Variants in BCOR observed in about 807,000 individuals in gnomAD.
BCOR encodes the protein BCL6 corepressor.
A neutral mutation model predicts 86.7 loss-of-function variants in BCOR; 10 were observed. That is an observed-to-expected ratio of 0.12 (90% CI 0.07 to 0.20). The LOEUF (loss-of-function observed/expected upper bound fraction) is 0.20, where lower values mean the gene tolerates loss of function less well. Among genes scored for constraint, BCOR ranks in the 10% least tolerant of loss-of-function variants. The probability of loss-of-function intolerance (pLI) is 1.00; values close to 1 mark genes in which losing one functional copy is unlikely to be tolerated. For synonymous variants in BCOR, 611 were observed against 609.0 expected, an observed-to-expected ratio of 1.00 and a Z score of -0.05; for missense variants, 1,259 against 1,452.1, an observed-to-expected ratio of 0.87 and a Z score of 2.16.
chrX:40,124,795 T>C (rs909971162), intron 1 of BCOR, among the ~76,000 whole-genome samples: 1 of 110,118 alleles, frequency 9.1e-6, no homozygotes, highest in Non-Finnish European at 1.9e-5. Flanking sequence ...TTGTATTTTC[T>C]CAAATTCCTG....
chrX:40,063,537 C>G (rs180910395), intron 8 of BCOR, 71 bp downstream of exon 8: 5 of 915,926 alleles, frequency 5.5e-6, no homozygotes, highest in Non-Finnish European at 7.8e-6. Flanking sequence ...CTCAAAAGCC[C>G]TTTCCTACAG....
Position 40,072,988 on chromosome X carries a change from C to G in BCOR, c.2358G>C (p.Lys786Asn). The G allele has an allele frequency of 8.3e-7, 1 of 1,211,988 alleles. No homozygotes were observed. The highest frequency in any genetic ancestry group is 1.1e-6 in the Non-Finnish European group (1 of 895,569). ...HPDVPTDKNL[K>N]PNPNWNQGKT... Reference sequence around the variant, plus strand: ...TCCCTTGATTCCAGTTGGGGTTCGGCTTTAGGTTCTTGTCGGTGGGGACAT... The same window carrying G: ...TCCCTTGATTCCAGTTGGGGTTCGGGTTTAGGTTCTTGTCGGTGGGGACAT... The change falls in exon 4 of 15, where the codon AAG (lysine) becomes AAC (asparagine). Residue 786 changes from lysine (K) to asparagine (N), a missense_variant. Physicochemically the swap from Lys to Asn is moderately conservative, Grantham distance 94. Transcript: ENST00000378444.
chrX:40,151,145 T>G (rs1329135365), intron 1 of BCOR, among the ~76,000 whole-genome samples: 1 of 112,027 alleles, frequency 8.9e-6, no homozygotes, highest in Non-Finnish European at 1.9e-5. Context: ...ACTTCCCCCC[T>G]GGACCCACCA....
intron 1 of BCOR, among the ~76,000 whole-genome samples, chrX:40,123,416 G>A (rs1323567258): frequency 9.1e-6 from 1 of 109,432 alleles, no homozygotes; most frequent in Non-Finnish European, 1.9e-5. Flanking sequence ...GCAATGGTGC[G>A]GCCTCGGCTC....
intron 1 of BCOR, among the ~76,000 whole-genome samples, chrX:40,141,639 G>A (rs746757250): frequency 9.0e-6 from 1 of 110,975 alleles, no homozygotes; most frequent in East Asian, 2.9e-4. Context: ...AGCTTTTGGG[G>A]ATAAGCTGTG....
At position 40,133,728 on chromosome X, in the gene BCOR, G is replaced by C. The variant is rs892147596; in HGVS notation, c.-41+43279C>G. Among the ~76,000 whole-genome samples, 4 of 111,456 alleles carry C rather than the reference G, an allele frequency of 3.6e-5. No individual in the cohort carries two copies. The East Asian group carries it at 1.1e-3, about 32-fold the overall frequency. ...GCCCGCCTCGGCCTCCCAAAGTGCTGGGATTACAGGCGTGAGCCACCGCGC... is the reference window on the plus strand; with the variant it reads ...GCCCGCCTCGGCCTCCCAAAGTGCTCGGATTACAGGCGTGAGCCACCGCGC... On this transcript the variant is annotated intron_variant, in intron 1 of 14. Transcript: ENST00000342274.
chrX:40,153,922 G>A lies in BCOR; in HGVS notation c.-41+23085C>T, dbSNP rs1938224995. ...GAGGCGAGGAGGGGGTGCGAGGGCT[G>A]CCGCGCCGTGGGGGGCAGGGGGCGG... On this transcript the variant is annotated intron_variant, in intron 1 of 14. Transcript: ENST00000342274. Among the ~76,000 whole-genome samples the A allele has an allele frequency of 5.5e-5, 6 of 109,216 alleles. No homozygotes were observed. The Admixed American group carries it at 5.7e-4, about 10-fold the overall frequency. 94.8% of individuals were successfully genotyped at this position (109,216 alleles called of 115,157 possible).
Position 40,053,983 on chromosome X carries a change from C to T in BCOR, c.4879G>A (p.Asp1627Asn), listed in dbSNP as rs774089771. Reference protein sequence around the residue: ...LANPPGPEDQDDDDDAYSDVF... With the variant: ...LANPPGPEDQNDDDDAYSDVF... ...TCGCTATAGGCATCGTCATCATCAT[C>T]CTGGTCTTCTGGTCCTGGGGGGTTG... is the stretch of plus-strand genomic sequence containing the variant. Residue 1627 changes from aspartate to asparagine, a missense_variant, in exon 14 of 15, where the codon GAT (aspartate) becomes AAT (asparagine). By Grantham distance (23) the Asp-to-Asn change is conservative. This residue lies in a region of BCOR where 137 missense variants were observed against 149.8 expected (regional missense o/e 0.91). Coordinates refer to ENST00000378444, the MANE Select transcript of BCOR (RefSeq NM_001123385.2). 3 of 1,211,484 alleles carry T rather than the reference C, an allele frequency of 2.5e-6. No individual in the cohort carries two copies. Among genetic ancestry groups the T allele is most frequent in the Non-Finnish European group, 2.2e-6 (2 of 895,270 alleles).
At chrX:40,142,508 T>C (rs1274177495) in intron 1 of BCOR, among the ~76,000 whole-genome samples, 1 of 112,126 alleles carries the variant, frequency 8.9e-6, no homozygotes, top group East Asian at 2.8e-4. Context: ...TGTTTGGCTT[T>C]ACAACACACA....
intron 1 of BCOR, among the ~76,000 whole-genome samples, chrX:40,079,693 G>A (rs1007435884): frequency 9.0e-6 from 1 of 111,673 alleles, no homozygotes; most frequent in Non-Finnish European, 1.9e-5. Flanking sequence ...TCTTCCAGTT[G>A]ACTAGCCACA....
chrX:40,134,451 T>C (rs1937641606), intron 1 of BCOR, among the ~76,000 whole-genome samples: 1 of 110,327 alleles, frequency 9.1e-6, no homozygotes, highest in Non-Finnish European at 1.9e-5. Flanking sequence ...TAATGAGACC[T>C]TGTCTCTACT....
intron 1 of BCOR, among the ~76,000 whole-genome samples, chrX:40,163,504 G>A (rs1415020851): frequency 9.1e-6 from 1 of 110,377 alleles, no homozygotes; most frequent in Non-Finnish European, 1.9e-5. Flanking sequence ...TTACAATGTA[G>A]ACTAGTCTGT....
intron 8 of BCOR, 139 bp downstream of exon 8, chrX:40,063,469 G>C (rs1288134038): frequency 1.9e-6 from 1 of 533,702 alleles, no homozygotes; most frequent in Non-Finnish European, 3.2e-6. Flanking sequence ...CATCAAGAGA[G>C]AACTCCCTGC....
At chrX:40,151,978 G>A (rs894692480) in intron 1 of BCOR, among the ~76,000 whole-genome samples, 1 of 112,215 alleles carries the variant, frequency 8.9e-6, no homozygotes, top group African/African-American at 3.2e-5. Context: ...CCCAGGAGAG[G>A]GGAAGAGGTG....
upstream of BCOR, among the ~76,000 whole-genome samples, chrX:40,101,311 G>T (rs1301403724): frequency 2.7e-5 from 3 of 111,547 alleles, no homozygotes; most frequent in Non-Finnish European, 3.8e-5. Flanking sequence ...CGGGGGTCAG[G>T]CTGCTATACC....
chrX:40,103,802 T>C (rs897432047), intron 1 of BCOR, among the ~76,000 whole-genome samples: 1 of 111,730 alleles, frequency 9.0e-6, no homozygotes, highest in South Asian at 3.7e-4. Context: ...TTTTCCGCCA[T>C]GCAAGTGTGA....
At chrX:40,077,676 T>G in intron 2 of BCOR, 168 bp downstream of exon 2, 1 of 468,323 alleles carries the variant, frequency 2.1e-6, no homozygotes, top group Non-Finnish European at 3.8e-6. Flanking sequence ...GCGGCAATGC[T>G]TCACTGAGCC....
At chrX:40,137,956 CTT>C (rs1193753521) in intron 1 of BCOR, among the ~76,000 whole-genome samples, 1 of 104,699 alleles carries the variant, frequency 9.6e-6, no homozygotes, top group Admixed American at 1.0e-4. Context: ...CTCCAAATAT[CTT>C]TTTTTTTTTT....
chrX:40,176,698 C>T (rs1406993728), intron 1 of BCOR, among the ~76,000 whole-genome samples: 1 of 111,122 alleles, frequency 9.0e-6, no homozygotes, highest in Non-Finnish European at 1.9e-5. Context: ...TCGCTCCGGG[C>T]TCGGGGAGCC....
Sources: gnomAD v4.1 joint callset for allele counts (sites outside exome capture counted in the v4.1 genomes callset) on GRCh38, gnomAD v4.1.1 for gene constraint, gnomAD v4.1.1 regional missense constraint, MANE v1.5 for transcripts, NCBI Gene and HGNC (gene_info 2026-07-23, HGNC 2026-07-21) for gene names.